NDUFS4: variants seen among roughly 807,000 people sequenced by gnomAD.
The protein encoded by NDUFS4 is NADH dehydrogenase [ubiquinone] iron-sulfur protein 4, mitochondrial.
NDUFS4 carries 28 observed loss-of-function variants against 24.3 expected under a neutral mutation model. That is an observed-to-expected ratio of 1.15 (90% CI 0.85 to 1.58). The LOEUF is 1.58. Among genes scored for constraint, NDUFS4 ranks in the 40% most tolerant of loss-of-function variants. The pLI is 0.00. For missense variants in NDUFS4, 223 were observed against 207.9 expected, an observed-to-expected ratio of 1.07 and a Z score of -0.45; for synonymous variants, 93 against 69.7, an observed-to-expected ratio of 1.34 and a Z score of -1.67.
chr5:53,604,819 C>T (rs779333961), intron 2 of NDUFS4: 10 of 456,134 alleles, frequency 2.2e-5, no homozygotes, highest in Admixed American at 4.7e-5. Context: ...ATTTGGAGTT[C>T]CTGTTCACTC....
intron 1 of NDUFS4, among the ~76,000 whole-genome samples, chr5:53,567,118 G>C (rs979708700): frequency 2.0e-5 from 3 of 152,126 alleles, no homozygotes; most frequent in African/African-American, 7.2e-5. Flanking sequence ...CAAAGTGCTG[G>C]AATTACAGGC....
intron 4 of NDUFS4, among the ~76,000 whole-genome samples, chr5:53,662,751 C>A (rs1181957349): frequency 6.6e-6 from 1 of 151,278 alleles, no homozygotes; most frequent in Non-Finnish European, 1.5e-5. Context: ...GGAATTTATC[C>A]ATTTCTTCTA....
At chr5:53,658,523 A>C (rs780152096) in intron 3 of NDUFS4, 28 bp from the exon 4 acceptor site, 1 of 1,559,640 alleles carries the variant, frequency 6.4e-7, no homozygotes, top group Non-Finnish European at 8.8e-7. Flanking sequence ...TTAATGTTAA[A>C]TCTTGGAAAA....
At chr5:53,568,535 A>T (rs923610) in intron 1 of NDUFS4, among the ~76,000 whole-genome samples, 14 of 151,954 alleles carry the variant, frequency 9.2e-5, no homozygotes, top group African/African-American at 3.4e-4. Context: ...ACCCATGCAC[A>T]TAAGAGGTAT....
At position 53,621,836 on chromosome 5, in the gene NDUFS4, G is replaced by T. The variant is rs182413675; in HGVS notation, c.177+18306G>T. ...CCTGCCTCAGCCTCCCGTGTAGCTG[G>T]GACTACAGGCGTGCGCCACCATGCC... On this transcript the variant is annotated intron_variant, in intron 2 of 4. Transcript: ENST00000296684. Among the ~76,000 whole-genome samples, 1,387 of 151,242 alleles carry T rather than the reference G, an allele frequency of 9.2e-3. 19 individuals are homozygous for T. The highest frequency in any genetic ancestry group is 0.032 in the African/African-American group (1,316 of 41,244).
intron 1 of NDUFS4, among the ~76,000 whole-genome samples, chr5:53,582,353 C>T (rs1749597472): frequency 1.3e-5 from 2 of 152,082 alleles, no homozygotes; most frequent in South Asian, 4.1e-4. Flanking sequence ...GTGGCCAGAG[C>T]CAGCCCTGAT....
Position 53,591,469 on chromosome 5 carries a change from G to A in NDUFS4, c.99-11983G>A, listed in dbSNP as rs981301509. 3.8e-5 allele frequency among the ~76,000 whole-genome samples: 5 copies of A among 132,588 alleles called. No individual in the cohort carries two copies. In the East Asian group the frequency reaches 7.2e-4, roughly 19 times the overall value. 87.0% of individuals were successfully genotyped at this position (132,588 alleles called of 152,430 possible). Reference sequence around the variant, plus strand: ...TTTTTGTTTGTTTTTTTTGGGGGGGGGGGGTGATAATAACTATCGTAATAA... The same window carrying A: ...TTTTTGTTTGTTTTTTTTGGGGGGGAGGGGTGATAATAACTATCGTAATAA... On this transcript the variant is annotated intron_variant, in intron 1 of 4. Transcript: ENST00000296684.
intron 1 of NDUFS4, among the ~76,000 whole-genome samples, chr5:53,599,543 A>G (rs1750244957): frequency 6.6e-6 from 1 of 152,046 alleles, no homozygotes; most frequent in Non-Finnish European, 1.5e-5. Flanking sequence ...AGCCATTTGT[A>G]TATCTTTTTT....
At chr5:53,650,284 A>C (rs1467682465) in intron 3 of NDUFS4, among the ~76,000 whole-genome samples, 2 of 152,196 alleles carry the variant, frequency 1.3e-5, no homozygotes, top group Non-Finnish European at 2.9e-5. Flanking sequence ...GAGGAGAAAA[A>C]GTAATATCTT....
intron 1 of NDUFS4, among the ~76,000 whole-genome samples, chr5:53,573,151 T>C (rs1749270683): frequency 6.6e-6 from 1 of 151,486 alleles, no homozygotes; most frequent in African/African-American, 2.4e-5. Flanking sequence ...TTTATATTTT[T>C]TTTGTAGACA....
intron 4 of NDUFS4, among the ~76,000 whole-genome samples, chr5:53,660,701 G>A (rs786330): frequency 0.2 from 30,925 of 152,068 alleles, 3,676 homozygotes; most frequent in East Asian, 0.46. Flanking sequence ...TCTAACTGGT[G>A]TGAGATAGTA....
At chr5:53,675,544 T>G (rs989207662) in intron 4 of NDUFS4, among the ~76,000 whole-genome samples, 1 of 151,986 alleles carries the variant, frequency 6.6e-6, no homozygotes, top group African/African-American at 2.4e-5. Context: ...AATAAGGCTT[T>G]TCTCTATACA....
intron 2 of NDUFS4, among the ~76,000 whole-genome samples, chr5:53,630,646 T>A (rs190549183): frequency 6.6e-5 from 10 of 152,304 alleles, no homozygotes; most frequent in Admixed American, 5.2e-4. Flanking sequence ...CAATCACTGA[T>A]ATCCTTTCTT....
intron 2 of NDUFS4, among the ~76,000 whole-genome samples, chr5:53,607,956 C>T (rs909772751): frequency 1.3e-5 from 2 of 152,092 alleles, no homozygotes; most frequent in African/African-American, 4.8e-5. Context: ...TATATTATTA[C>T]ATAACTGGCT....
At chr5:53,670,260 A>G (rs905361379) in intron 4 of NDUFS4, among the ~76,000 whole-genome samples, 19 of 152,048 alleles carry the variant, frequency 1.2e-4, no homozygotes, top group East Asian at 7.7e-4. Flanking sequence ...TCCAAGTCCA[A>G]TGGTTTTCCT....
At chr5:53,590,069 G>A (rs995531824) in intron 1 of NDUFS4, among the ~76,000 whole-genome samples, 3 of 152,154 alleles carry the variant, frequency 2.0e-5, no homozygotes, top group African/African-American at 7.2e-5. Flanking sequence ...TGACTAACAA[G>A]CCTTTTGAGG....
At chr5:53,617,828 A>G (rs1025649477) in intron 2 of NDUFS4, among the ~76,000 whole-genome samples, 1 of 152,244 alleles carries the variant, frequency 6.6e-6, no homozygotes, top group Non-Finnish European at 1.5e-5. Flanking sequence ...AAGATCATGG[A>G]CTAATTATAA....
intron 2 of NDUFS4, among the ~76,000 whole-genome samples, chr5:53,631,992 G>T (rs4549481): frequency 2.6e-5 from 4 of 152,038 alleles, no homozygotes; most frequent in Non-Finnish European, 5.9e-5. Context: ...CACTTCCCTG[G>T]TAAGGCAGTG....
chr5:53,621,263 T>G (rs909552303), intron 2 of NDUFS4, among the ~76,000 whole-genome samples: 2 of 152,172 alleles, frequency 1.3e-5, no homozygotes, highest in South Asian at 4.1e-4. Flanking sequence ...TGCCTCAGTT[T>G]TCTTATTCTT....
Sources: allele counts gnomAD v4.1 joint callset (sites outside exome capture counted in the v4.1 genomes callset), GRCh38; gene constraint gnomAD v4.1.1; transcripts MANE v1.5; gene names NCBI Gene and HGNC (gene_info 2026-07-23, HGNC 2026-07-21).